AGMO: variants seen among roughly 807,000 people sequenced by gnomAD.
The protein encoded by AGMO is glyceryl-ether monooxygenase.
A neutral mutation model predicts 60.2 loss-of-function variants in AGMO; 75 were observed. The ratio of observed to expected loss-of-function variants is 1.25; its 90% CI spans 1.03 to 1.51. The LOEUF (loss-of-function observed/expected upper bound fraction) is 1.51, where lower values mean the gene tolerates loss of function less well. Ranked by LOEUF, AGMO falls within the 40% of genes most tolerant of loss-of-function variation. AGMO has a pLI of 0.00. For synonymous variants in AGMO, 261 were observed against 177.1 expected (o/e 1.47, Z -3.76); for missense variants, 763 against 525.5 (o/e 1.45, Z -4.42).
chr7:15,197,207 T>C (rs1781140038), downstream of AGMO, among the ~76,000 whole-genome samples: 1 of 152,142 alleles, frequency 6.6e-6, no homozygotes, highest in Admixed American at 6.6e-5. Context: ...AGTCTATGAC[T>C]ATGAGAACAT....
intron 12 of AGMO, among the ~76,000 whole-genome samples, chr7:15,321,962 T>C (rs897508190): frequency 6.6e-6 from 1 of 152,084 alleles, no homozygotes; most frequent in African/African-American, 2.4e-5. Context: ...TTGAGAATTA[T>C]AAATTCATTA....
At chr7:15,140,668 C>A in the AGMO span, among the ~76,000 whole-genome samples, 1 of 151,920 alleles carries the variant, frequency 6.6e-6, no homozygotes, top group South Asian at 2.1e-4. Context: ...AAACTTCAAC[C>A]CATATATTAA....
rs76460275 is a variant in AGMO at position 15,298,089 on chromosome 7, C to A, written c.1263+67425G>T. ...TGTTTTGAAGAGGACATGTTATAAA[C>A]AAACATATTATGTTATGTTATGTCC... On this transcript the variant is annotated intron_variant, in intron 12 of 12. Coordinates refer to ENST00000342526, the MANE Select transcript of AGMO (RefSeq NM_001004320.2). 1.4e-3 allele frequency among the ~76,000 whole-genome samples: 216 copies of A among 150,954 alleles called. 5 individuals carry two copies. The East Asian group carries it at 0.036, about 25-fold the overall frequency.
At chr7:15,409,985 A>C (rs1269074053) in intron 5 of AGMO, among the ~76,000 whole-genome samples, 1 of 151,606 alleles carries the variant, frequency 6.6e-6, no homozygotes, top group Non-Finnish European at 1.5e-5. Context: ...GGATAGGCTC[A>C]CAATAAAATA....
At chr7:15,396,715 T>C (rs987173881) in intron 5 of AGMO, 3 of 151,940 alleles carry the variant, frequency 2.0e-5, no homozygotes, top group African/African-American at 7.3e-5. Flanking sequence ...TACAGAGAGC[T>C]GATTGGTCCA....
chr7:15,543,553 T>C (rs375221431), intron 3 of AGMO, among the ~76,000 whole-genome samples: 31 of 152,230 alleles, frequency 2.0e-4, no homozygotes, highest in Middle Eastern at 3.4e-3. Flanking sequence ...ACAAATTGAA[T>C]TGAACTTACT....
At chr7:15,148,234 GT>G in the AGMO span, among the ~76,000 whole-genome samples, 4 of 151,868 alleles carry the variant, frequency 2.6e-5, no homozygotes, top group Admixed American at 2.0e-4. Flanking sequence ...TTGTTAGTTA[GT>G]GGTAAATCTC....
chr7:15,195,577 A>C (rs1322919092), downstream of AGMO, among the ~76,000 whole-genome samples: 1 of 152,178 alleles, frequency 6.6e-6, no homozygotes, highest in Non-Finnish European at 1.5e-5. Context: ...GTGGTTAGCA[A>C]AGAAAAGGGA....
At chr7:15,334,884 C>T (rs1016808277) in intron 12 of AGMO, among the ~76,000 whole-genome samples, 1 of 152,114 alleles carries the variant, frequency 6.6e-6, no homozygotes, top group African/African-American at 2.4e-5. Context: ...TCACAGATCC[C>T]CCATTTGTTC....
intron 12 of AGMO, among the ~76,000 whole-genome samples, chr7:15,324,872 C>T (rs920981724): frequency 6.6e-6 from 1 of 152,090 alleles, no homozygotes; most frequent in African/African-American, 2.4e-5. Flanking sequence ...TATTTGCCTG[C>T]TGCTCACCTC....
intron 12 of AGMO, among the ~76,000 whole-genome samples, chr7:15,329,930 G>C (rs1781451037): frequency 6.6e-6 from 1 of 152,144 alleles, no homozygotes; most frequent in Non-Finnish European, 1.5e-5. Context: ...TGTGCTTTAG[G>C]TCAGAGGACT....
chr7:15,474,806 A>C (rs1001754189), intron 3 of AGMO, among the ~76,000 whole-genome samples: 16 of 152,224 alleles, frequency 1.1e-4, no homozygotes, highest in Admixed American at 4.6e-4. Context: ...CATCTGACAA[A>C]GGGCTAATAT....
Position 15,504,389 on chromosome 7 carries a change from T to C in AGMO, c.409+40383A>G, listed in dbSNP as rs1188462851. On this transcript the variant is annotated intron_variant, in intron 3 of 12. Transcript: ENST00000342526. ...CCTTCTCTGATGGTTTCTACAGTGCTGCGTATTAAGAAGCAAGCCTTTAAT... is the reference window on the plus strand; with the variant it reads ...CCTTCTCTGATGGTTTCTACAGTGCCGCGTATTAAGAAGCAAGCCTTTAAT... Among the ~76,000 whole-genome samples, 5 of 151,972 alleles carry C rather than the reference T, an allele frequency of 3.3e-5. No individual in the cohort carries two copies. The South Asian group carries it at 8.3e-4, about 25-fold the overall frequency.
At chr7:15,220,002 C>A (rs1323727794) in intron 12 of AGMO, among the ~76,000 whole-genome samples, 1 of 152,078 alleles carries the variant, frequency 6.6e-6, no homozygotes, top group Non-Finnish European at 1.5e-5. Flanking sequence ...TTTCTTCAAT[C>A]CCACTTCTTA....
chr7:15,336,661 CAAGT>C (rs140674058), intron 12 of AGMO, among the ~76,000 whole-genome samples: 162 of 152,214 alleles, frequency 1.1e-3, no homozygotes, highest in African/African-American at 3.4e-3. Context: ...TTATATTCAT[CAAGT>C]ATTTGTAATT....
intron 12 of AGMO, among the ~76,000 whole-genome samples, chr7:15,360,607 G>A (rs1782711998): frequency 6.6e-6 from 1 of 152,070 alleles, no homozygotes; most frequent in Non-Finnish European, 1.5e-5. Context: ...GGTGGGTTTG[G>A]CCTTGCTATC....
At chr7:15,133,668 G>A in the AGMO span, among the ~76,000 whole-genome samples, 1 of 152,110 alleles carries the variant, frequency 6.6e-6, no homozygotes, top group Non-Finnish European at 1.5e-5. Flanking sequence ...GCAGAGGATG[G>A]TGATATATAG....
intron 12 of AGMO, among the ~76,000 whole-genome samples, chr7:15,280,141 G>A: frequency 6.6e-6 from 1 of 152,310 alleles, no homozygotes; most frequent in South Asian, 2.1e-4. Flanking sequence ...CAGGTGGACT[G>A]GGAGGGGAAT....
intron 3 of AGMO, among the ~76,000 whole-genome samples, chr7:15,506,681 A>C: frequency 6.6e-6 from 1 of 152,016 alleles, no homozygotes; most frequent in East Asian, 1.9e-4. Flanking sequence ...CTGCATATTA[A>C]CTCCAATACC....
Sources: allele counts gnomAD v4.1 joint callset (sites outside exome capture counted in the v4.1 genomes callset), GRCh38; gene constraint gnomAD v4.1.1; transcripts MANE v1.5; gene names NCBI Gene and HGNC (gene_info 2026-07-23, HGNC 2026-07-21).